The following KLF8 variants were observed in gnomAD, a reference collection of about 807,000 sequenced individuals.
The protein encoded by KLF8 is KLF transcription factor 8.
Under a neutral mutation model 18.2 loss-of-function variants are expected in KLF8, and 10 were observed. That is an observed-to-expected ratio of 0.55 (90% confidence interval 0.34 to 0.93). The LOEUF is 0.93. Among genes scored for constraint, KLF8 ranks in the 40% least tolerant of loss-of-function variants. The pLI, the probability that KLF8 is intolerant of heterozygous loss-of-function variation, is 0.02. For missense variants in KLF8, 264 were observed against 277.9 expected (o/e 0.95, Z 0.36); for synonymous variants, 109 against 97.3 (o/e 1.12, Z -0.71).
the KLF8 span, among the ~76,000 whole-genome samples, chrX:56,119,646 C>T: frequency 1.4e-4 from 15 of 110,063 alleles, no homozygotes; most frequent in African/African-American, 4.6e-4. Context: ...ATGATCCACC[C>T]GCCTTTGCCT....
the KLF8 span, among the ~76,000 whole-genome samples, chrX:56,014,192 A>G: frequency 8.9e-6 from 1 of 112,377 alleles, no homozygotes; most frequent in African/African-American, 3.2e-5. Flanking sequence ...ATCAGAGTAA[A>G]CAGACAGTCT....
the KLF8 span, among the ~76,000 whole-genome samples, chrX:56,199,026 T>C: frequency 8.9e-6 from 1 of 111,843 alleles, no homozygotes; most frequent in Non-Finnish European, 1.9e-5. Context: ...CTGGGAAAAC[T>C]GGCTAGCCAT....
At chrX:56,066,074 G>A in the KLF8 span, among the ~76,000 whole-genome samples, 1 of 111,732 alleles carries the variant, frequency 8.9e-6, no homozygotes, top group East Asian at 2.8e-4. Context: ...GGGGCCTTGG[G>A]TAAAGGGTGT....
the KLF8 span, among the ~76,000 whole-genome samples, chrX:56,198,550 C>T: frequency 1.3e-4 from 14 of 111,619 alleles, no homozygotes; most frequent in African/African-American, 4.6e-4. Context: ...AGAACCTCTT[C>T]AAAGAGAACT....
chrX:56,194,989 C>A, the KLF8 span, among the ~76,000 whole-genome samples: 1 of 112,065 alleles, frequency 8.9e-6, no homozygotes, highest in Admixed American at 9.5e-5. Context: ...AGCTGAGGGA[C>A]CTGAATGTTA....
chrX:56,217,203 A>G, the KLF8 span, among the ~76,000 whole-genome samples: 2 of 111,190 alleles, frequency 1.8e-5, no homozygotes, highest in African/African-American at 6.6e-5. Flanking sequence ...CCTATCTTGG[A>G]GGCATACTCA....
intron 2 of KLF8, among the ~76,000 whole-genome samples, chrX:56,253,927 A>AG (rs2066753213): frequency 1.2e-5 from 1 of 86,492 alleles, no homozygotes; most frequent in African/African-American, 4.3e-5. Flanking sequence ...TGCCCAGCTA[A>AG]TTTTTTTTTT....
At chrX:56,011,851 T>A in the KLF8 span, among the ~76,000 whole-genome samples, 3 of 111,208 alleles carry the variant, frequency 2.7e-5, no homozygotes, top group Admixed American at 9.5e-5. Flanking sequence ...AACTAGAGAA[T>A]CTAGAAAAAA....
chrX:55,939,379 A>G, the KLF8 span, among the ~76,000 whole-genome samples: 2 of 111,468 alleles, frequency 1.8e-5, no homozygotes, highest in East Asian at 2.8e-4. Flanking sequence ...TCAAAGCAGT[A>G]TGTAGAGGGA....
chrX:56,274,851 C>G (rs1164699062), intron 5 of KLF8, among the ~76,000 whole-genome samples: 2 of 111,796 alleles, frequency 1.8e-5, no homozygotes, highest in African/African-American at 6.5e-5. Context: ...CTATTCTGTT[C>G]CACTGATCAG....
chrX:55,924,787 A>C, the KLF8 span, among the ~76,000 whole-genome samples: 1 of 91,841 alleles, frequency 1.1e-5, no homozygotes, highest in East Asian at 3.6e-4. Context: ...AGTCTCTCCT[A>C]TTATTATGTG....
chrX:56,139,632 A>T, the KLF8 span, among the ~76,000 whole-genome samples: 1 of 111,927 alleles, frequency 8.9e-6, no homozygotes, highest in Non-Finnish European at 1.9e-5. Context: ...TTAACTCAAG[A>T]TGGATTAAGA....
the KLF8 span, among the ~76,000 whole-genome samples, chrX:56,161,231 C>T: frequency 8.9e-6 from 1 of 111,883 alleles, no homozygotes; most frequent in Non-Finnish European, 1.9e-5. Context: ...ACTCTCTTCT[C>T]ACTTGCAGCA....
chrX:56,110,278 T>C, the KLF8 span, among the ~76,000 whole-genome samples: 7 of 111,793 alleles, frequency 6.3e-5, no homozygotes, highest in Admixed American at 9.6e-5. Flanking sequence ...TTAATATAGT[T>C]ACATCATCTC....
chrX:56,054,490 A>G, the KLF8 span, among the ~76,000 whole-genome samples: 15 of 111,312 alleles, frequency 1.3e-4, no homozygotes, highest in African/African-American at 4.9e-4. Flanking sequence ...TTTGTTTAGG[A>G]TTGTTTTAAT....
the KLF8 span, among the ~76,000 whole-genome samples, chrX:56,209,907 A>G: frequency 8.9e-6 from 1 of 112,294 alleles, no homozygotes; most frequent in Non-Finnish European, 1.9e-5. Context: ...ACAAACAAGC[A>G]TAAATAAAAC....
At chrX:56,070,144 C>T in the KLF8 span, among the ~76,000 whole-genome samples, 2 of 111,362 alleles carry the variant, frequency 1.8e-5, no homozygotes, top group Non-Finnish European at 3.8e-5. Flanking sequence ...AGCAAACTAA[C>T]ACAGGAACAG....
chrX:56,098,040 C>T, the KLF8 span, among the ~76,000 whole-genome samples: 4 of 111,084 alleles, frequency 3.6e-5, no homozygotes, highest in Non-Finnish European at 7.6e-5. Context: ...TAGATTAATG[C>T]TCTCCCTAGG....
the KLF8 span, among the ~76,000 whole-genome samples, chrX:56,029,497 T>C: frequency 9.0e-6 from 1 of 111,016 alleles, no homozygotes; most frequent in Non-Finnish European, 1.9e-5. Context: ...AGGGGGCCAC[T>C]GGGGTGGTTA....
Sources: allele counts gnomAD v4.1 joint callset (sites outside exome capture counted in the v4.1 genomes callset), GRCh38; gene constraint gnomAD v4.1.1; transcripts MANE v1.5; gene names NCBI Gene and HGNC (gene_info 2026-07-23, HGNC 2026-07-21).